LOXL2: variants seen among roughly 807,000 people sequenced by gnomAD.
The protein encoded by LOXL2 is lysyl oxidase like 2.
Under a neutral mutation model 93.0 loss-of-function variants are expected in LOXL2, and 70 were observed. That is an observed-to-expected ratio of 0.75 (90% confidence interval 0.62 to 0.92). The LOEUF is 0.92. Among genes scored for constraint, LOXL2 ranks in the 40% least tolerant of loss-of-function variants. The pLI, the probability that LOXL2 is intolerant of heterozygous loss-of-function variation, is 0.00. For synonymous variants in LOXL2, 438 were observed against 413.2 expected, an observed-to-expected ratio of 1.06 and a Z score of -0.73; for missense variants, 973 against 1,054.9, an observed-to-expected ratio of 0.92 and a Z score of 1.08.
chr8:23,360,011 A>C, intron 3 of LOXL2, 79 bp downstream of exon 3: 1 of 1,346,296 alleles, frequency 7.4e-7, no homozygotes, highest in Admixed American at 1.8e-5. Flanking sequence ...ACACTTCTTG[A>C]AATCAATACG....
At chr8:23,302,840 C>T (rs1008961177) in intron 11 of LOXL2, among the ~76,000 whole-genome samples, 1 of 151,826 alleles carries the variant, frequency 6.6e-6, no homozygotes, top group African/African-American at 2.4e-5. Context: ...AGTGCCACAC[C>T]TGCCGGGACG....
At chr8:23,300,254 C>T (rs183263145) in intron 12 of LOXL2, among the ~76,000 whole-genome samples, 14 of 152,328 alleles carry the variant, frequency 9.2e-5, no homozygotes, top group Admixed American at 9.1e-4. Flanking sequence ...ATGTGTGTCC[C>T]CCACTGTTTC....
chr8:23,322,200 G>C lies in LOXL2; in HGVS notation c.1232C>G (p.Ser411Cys), dbSNP rs1803507817. The C allele has an allele frequency of 6.2e-7, 1 of 1,614,216 alleles. No homozygotes were observed. The highest frequency in any genetic ancestry group is 8.5e-7 in the Non-Finnish European group (1 of 1,180,038). ...SIIDCKFNAE[S>C]QGCNHEEDAG... Reference sequence around the variant, plus strand: ...ATCCTCCTCGTGGTTGCAGCCCTGAGACTCGGCATTGAACTTGCAGTCTAT... The same window carrying C: ...ATCCTCCTCGTGGTTGCAGCCCTGACACTCGGCATTGAACTTGCAGTCTAT... Residue 411 changes from serine to cysteine, a missense_variant, in exon 7 of 14, where the codon TCT (serine) becomes TGT (cysteine). Transcript: ENST00000389131.
chr8:23,314,573 C>G (rs932064029), intron 9 of LOXL2, among the ~76,000 whole-genome samples: 1 of 147,620 alleles, frequency 6.8e-6, no homozygotes, highest in African/African-American at 2.5e-5. Context: ...TATTCTCACT[C>G]ATAGGTGGGA....
chr8:23,368,211 G>T lies in LOXL2; in HGVS notation c.141C>A (p.Pro47=), dbSNP rs201422526. 48 of 1,614,054 alleles carry T rather than the reference G, an allele frequency of 3.0e-5. No individual in the cohort carries two copies. The African/African-American group carries it at 5.1e-4, about 17-fold the overall frequency. ...TCTTGGCCACGTTGGCGGGGGCCTG[G>T]GGCTGGTGATACTCAGGAGCCGGTT... The part of the protein sequence containing the change: ...FQQPAPEYHQ[P]QAPANVAKIQ... The change falls in exon 2 of 14, where the codon CCC becomes CCA. Residue 47 remains proline, a synonymous_variant. Coordinates refer to ENST00000389131, the MANE Select transcript of LOXL2 (RefSeq NM_002318.3).
intron 12 of LOXL2, 152 bp from the exon 13 acceptor site, chr8:23,299,099 T>TG (rs1391997688): frequency 1.7e-6 from 1 of 595,604 alleles, no homozygotes; most frequent in Admixed American, 2.8e-5. Flanking sequence ...ACAAAGTCCT[T>TG]GGGGAGGGGA....
intron 3 of LOXL2, among the ~76,000 whole-genome samples, chr8:23,343,623 C>T (rs1803922710): frequency 6.6e-6 from 1 of 152,260 alleles, no homozygotes; most frequent in South Asian, 2.1e-4. Context: ...CCAGGCCCTA[C>T]TCTCAGGTCC....
At chr8:23,314,730 A>C (rs951891259) in intron 9 of LOXL2, among the ~76,000 whole-genome samples, 7 of 151,790 alleles carry the variant, frequency 4.6e-5, no homozygotes, top group Non-Finnish European at 8.8e-5. Flanking sequence ...CCAGCATGGC[A>C]CATGTATACA....
chr8:23,301,956 G>A (rs1046846434), intron 12 of LOXL2, 71 bp downstream of exon 12: 46 of 1,583,390 alleles, frequency 2.9e-5, no homozygotes, highest in Non-Finnish European at 3.9e-5. Flanking sequence ...GGACACCAAT[G>A]GGAAGGAGCC....
chr8:23,310,446 TA>T (rs1425122837), intron 9 of LOXL2, among the ~76,000 whole-genome samples: 2 of 152,360 alleles, frequency 1.3e-5, no homozygotes, highest in East Asian at 3.9e-4. Flanking sequence ...CAGTTCCCCT[TA>T]AAATACATCT....
intron 1 of LOXL2, among the ~76,000 whole-genome samples, chr8:23,369,936 AGGCAG>A (rs1335362696): frequency 1.3e-5 from 2 of 152,194 alleles, no homozygotes; most frequent in African/African-American, 4.8e-5. Context: ...GGAGTAGAAG[AGGCAG>A]GTATTATTAG....
At chr8:23,373,228 T>G (rs1243708926) in intron 1 of LOXL2, among the ~76,000 whole-genome samples, 1 of 152,190 alleles carries the variant, frequency 6.6e-6, no homozygotes, top group African/African-American at 2.4e-5. Flanking sequence ...TTCTTTCCCA[T>G]GGAGCTGACT....
intron 4 of LOXL2, among the ~76,000 whole-genome samples, chr8:23,334,413 T>TA (rs1292757688): frequency 1.3e-5 from 2 of 152,246 alleles, no homozygotes; most frequent in African/African-American, 4.8e-5. Context: ...CCCAACGATA[T>TA]ACAAGATTAA....
At chr8:23,373,901 G>C (rs1804543355) in intron 1 of LOXL2, among the ~76,000 whole-genome samples, 1 of 151,050 alleles carries the variant, frequency 6.6e-6, no homozygotes, top group Non-Finnish European at 1.5e-5. Context: ...GAGACTTCCA[G>C]ATCCTCTAAT....
At chr8:23,383,907 G>GC (rs1804719442) in intron 1 of LOXL2, among the ~76,000 whole-genome samples, 2 of 151,814 alleles carry the variant, frequency 1.3e-5, no homozygotes, top group Non-Finnish European at 2.9e-5. Context: ...TGATCCACCC[G>GC]CCTCGGCCTC....
intron 3 of LOXL2, among the ~76,000 whole-genome samples, chr8:23,358,629 C>T (rs1804236283): frequency 1.3e-5 from 2 of 152,164 alleles, no homozygotes; most frequent in Admixed American, 1.3e-4. Flanking sequence ...ATATGTTGCA[C>T]ATAAGAGTAA....
chr8:23,384,539 G>A (rs984648071), intron 1 of LOXL2, among the ~76,000 whole-genome samples: 5 of 152,252 alleles, frequency 3.3e-5, no homozygotes, highest in Middle Eastern at 3.4e-3. Context: ...CAGGAGGCTC[G>A]AGGAGTTGGA....
intron 3 of LOXL2, among the ~76,000 whole-genome samples, chr8:23,355,144 C>T (rs1226602290): frequency 3.3e-5 from 5 of 151,416 alleles, no homozygotes; most frequent in African/African-American, 9.7e-5. Flanking sequence ...GGGGTTTCAC[C>T]ATCTTGGCCA....
At position 23,396,051 on chromosome 8, in the gene LOXL2, C is replaced by T. The variant is rs1162576634; in HGVS notation, c.-84+7903G>A. On this transcript the variant is annotated intron_variant, in intron 1 of 13. Coordinates refer to ENST00000389131, the MANE Select transcript of LOXL2 (RefSeq NM_002318.3). ...TTAAGAAGAGAGAGAAGTCTGGGCA[C>T]GGTGGCTTACACCTGTAATTCCAGC... Among the ~76,000 whole-genome samples, 9 of 152,034 alleles carry T rather than the reference C, an allele frequency of 5.9e-5. No homozygotes were observed. The East Asian group carries it at 1.2e-3, about 20-fold the overall frequency.
Sources: allele counts gnomAD v4.1 joint callset (sites outside exome capture counted in the v4.1 genomes callset), GRCh38; gene constraint gnomAD v4.1.1; transcripts MANE v1.5; gene names NCBI Gene and HGNC (gene_info 2026-07-23, HGNC 2026-07-21).